ACAD11: variants seen among roughly 807,000 people sequenced by gnomAD.
ACAD11 encodes acyl-Coenzyme A dehydrogenase family, member 11.
A neutral mutation model predicts 102.2 loss-of-function variants in ACAD11; 83 were observed. The ratio of observed to expected loss-of-function variants is 0.81; its 90% CI spans 0.68 to 0.97. The LOEUF is 0.97. ACAD11 is among the 50% of genes least tolerant of loss of function. The pLI is 0.00. For missense variants in ACAD11, 901 were observed against 951.7 expected (o/e 0.95, Z 0.70); for synonymous variants, 324 against 319.8 (o/e 1.01, Z -0.14).
At chr3:132,641,281 C>T (rs1940483174) in intron 4 of ACAD11, among the ~76,000 whole-genome samples, 3 of 152,124 alleles carry the variant, frequency 2.0e-5, no homozygotes, top group South Asian at 2.1e-4. Context: ...TGGTGGCTCA[C>T]GCCTGTAATT....
At chr3:132,613,384 A>G (rs1939253784) in intron 11 of ACAD11, among the ~76,000 whole-genome samples, 1 of 148,886 alleles carries the variant, frequency 6.7e-6, no homozygotes. Context: ...AATAATAATA[A>G]AAATAACTAA....
intron 11 of ACAD11, among the ~76,000 whole-genome samples, chr3:132,609,530 G>A (rs1421669297): frequency 6.6e-6 from 1 of 152,098 alleles, no homozygotes; most frequent in African/African-American, 2.4e-5. Flanking sequence ...AGAAAATCTA[G>A]AAGAAATGGA....
chr3:132,561,357 A>G, intron 17 of ACAD11, 140 bp from the exon 18 acceptor site: 1 of 699,632 alleles, frequency 1.4e-6, no homozygotes. Context: ...GTATTTTTAA[A>G]TGGAAGAGTT....
At chr3:132,584,854 C>G (rs999930884) in intron 13 of ACAD11, among the ~76,000 whole-genome samples, 8 of 152,072 alleles carry the variant, frequency 5.3e-5, no homozygotes, top group African/African-American at 1.2e-4. Flanking sequence ...AGGATACAAA[C>G]AAATGGAAGA....
chr3:132,596,174 A>G (rs1938298761), intron 13 of ACAD11, among the ~76,000 whole-genome samples: 1 of 152,150 alleles, frequency 6.6e-6, no homozygotes, highest in African/African-American at 2.4e-5. Flanking sequence ...GCAAACTAAC[A>G]AAGGGACAGA....
intron 1 of ACAD11, chr3:132,647,090 A>C (rs934228484): frequency 6.6e-6 from 1 of 152,236 alleles, no homozygotes; most frequent in African/African-American, 2.4e-5. Context: ...GTTACGTTAC[A>C]TGAATTTCTC....
intron 5 of ACAD11, among the ~76,000 whole-genome samples, chr3:132,638,620 T>G (rs111344443): frequency 0.013 from 1,977 of 152,290 alleles, 42 homozygotes; most frequent in African/African-American, 0.044. Context: ...GGGTTCTAAT[T>G]TGTTATCTAC....
chr3:132,643,726 G>A (rs1397838249), intron 2 of ACAD11, among the ~76,000 whole-genome samples: 8 of 152,252 alleles, frequency 5.3e-5, no homozygotes, highest in African/African-American at 9.6e-5. Flanking sequence ...GTTGGGAAAC[G>A]AGGGGGAGGG....
chr3:132,655,369 T>A (rs1257408088), intron 1 of ACAD11, among the ~76,000 whole-genome samples: 1 of 152,194 alleles, frequency 6.6e-6, no homozygotes, highest in East Asian at 1.9e-4. Context: ...TCAAGCATGT[T>A]TTAAGTCTCT....
At chr3:132,586,542 C>T (rs1213594354) in intron 13 of ACAD11, among the ~76,000 whole-genome samples, 1 of 151,960 alleles carries the variant, frequency 6.6e-6, no homozygotes, top group Non-Finnish European at 1.5e-5. Flanking sequence ...CCACTGCAAT[C>T]AGATACCAAA....
At chr3:132,636,443 C>A (rs756276378) in intron 5 of ACAD11, among the ~76,000 whole-genome samples, 2 of 151,652 alleles carry the variant, frequency 1.3e-5, no homozygotes, top group Non-Finnish European at 2.9e-5. Flanking sequence ...TATTGGCATT[C>A]GAAACAAACA....
At chr3:132,592,424 A>T (rs1938117711) in intron 13 of ACAD11, among the ~76,000 whole-genome samples, 1 of 152,182 alleles carries the variant, frequency 6.6e-6, no homozygotes, top group African/African-American at 2.4e-5. Flanking sequence ...TTTTGTTTTT[A>T]ATCCAGACAC....
At chr3:132,579,388 T>C in intron 14 of ACAD11, 104 bp downstream of exon 14, 1 of 917,072 alleles carries the variant, frequency 1.1e-6, no homozygotes, top group East Asian at 2.5e-5. Flanking sequence ...ATATCTTACA[T>C]TATGATTTGT....
intron 17 of ACAD11, among the ~76,000 whole-genome samples, chr3:132,569,980 T>G (rs1256635456): frequency 6.6e-6 from 1 of 152,186 alleles, no homozygotes; most frequent in African/African-American, 2.4e-5. Flanking sequence ...ATTCAAGAGA[T>G]CTATATGTTA....
At chr3:132,617,855 T>C (rs1290885970) in intron 11 of ACAD11, among the ~76,000 whole-genome samples, 4 of 152,194 alleles carry the variant, frequency 2.6e-5, no homozygotes, top group Non-Finnish European at 5.9e-5. Context: ...CTGGAATACA[T>C]CAATCACACT....
chr3:132,593,260 C>G (rs565051225), intron 13 of ACAD11, among the ~76,000 whole-genome samples: 1 of 151,834 alleles, frequency 6.6e-6, no homozygotes, highest in African/African-American at 2.4e-5. Flanking sequence ...AAAATGTATG[C>G]AATACTTAGC....
intron 11 of ACAD11, among the ~76,000 whole-genome samples, chr3:132,610,434 G>T (rs1210482135): frequency 6.6e-6 from 1 of 152,120 alleles, no homozygotes; most frequent in African/African-American, 2.4e-5. Context: ...GAATCCAGGA[G>T]CTGGTTTTTT....
At position 132,575,900 on chromosome 3, in the gene ACAD11, G is replaced by C. The variant is rs1937516514; in HGVS notation, c.1873C>G (p.Gln625Glu). 1.2e-6 allele frequency: 2 copies of C among 1,613,910 alleles called. No individual in the cohort carries two copies. The highest frequency in any genetic ancestry group is 1.7e-6 in the Non-Finnish European group (2 of 1,179,934). ...LGEGRGFEIS[Q>E]GRLGPGRIHH... ...ATTCTGCCAGGTCCAAGGCGGCCTT[G>C]GGAAATTTCAAATCCCCTACCTTCA... Residue 625 changes from glutamine (Q) to glutamate (E), a missense_variant, in exon 17 of 20, where the codon CAA (glutamine) becomes GAA (glutamate). Physicochemically the swap from Gln to Glu is conservative, Grantham distance 29. Transcript: ENST00000264990.
chr3:132,632,554 A>T (rs1044457233), intron 5 of ACAD11, among the ~76,000 whole-genome samples: 2 of 152,164 alleles, frequency 1.3e-5, no homozygotes, highest in Non-Finnish European at 2.9e-5. Context: ...TTGACTTGGC[A>T]ATGCGGGCTC....
Sources: allele counts gnomAD v4.1 joint callset (sites outside exome capture counted in the v4.1 genomes callset), GRCh38; gene constraint gnomAD v4.1.1; transcripts MANE v1.5; gene names NCBI Gene and HGNC (gene_info 2026-07-23, HGNC 2026-07-21).